The following TMEM131 variants were observed in gnomAD, a reference collection of about 807,000 sequenced individuals.
TMEM131 encodes transmembrane protein 131.
Under a neutral mutation model 211.6 loss-of-function variants are expected in TMEM131, and 66 were observed. That is an observed-to-expected ratio of 0.31 (90% CI 0.26 to 0.38). The LOEUF is 0.38. TMEM131 is among the 10% of genes least tolerant of loss of function. The probability of loss-of-function intolerance (pLI) is 1.00; values close to 1 mark genes in which losing one functional copy is unlikely to be tolerated. For missense variants in TMEM131, 2,036 were observed against 2,299.3 expected, an observed-to-expected ratio of 0.89 and a Z score of 2.34; for synonymous variants, 844 against 841.3, an observed-to-expected ratio of 1.00 and a Z score of -0.06.
chr2:97,818,704 T>C lies in TMEM131; in HGVS notation c.1092A>G (p.Pro364=), dbSNP rs1681965995. ...AGTGTACCGTTATAGCATCATTTTGTGGTGTAGGTCGAACACTCTGCAAAG... is the reference window on the plus strand; with the variant it reads ...AGTGTACCGTTATAGCATCATTTTGCGGTGTAGGTCGAACACTCTGCAAAG... ...DVPITSVRPT[P]QNDAITVHFK... The change falls in exon 12 of 41, where the codon CCA becomes CCG. Residue 364 remains proline (P), a synonymous_variant. Transcript: ENST00000186436. 6.2e-7 allele frequency: 1 copy of C among 1,604,274 alleles called. No individual in the cohort carries two copies. The highest frequency in any genetic ancestry group is 8.5e-7 in the Non-Finnish European group (1 of 1,174,146).
chr2:97,761,869 G>C, intron 36 of TMEM131, 166 bp downstream of exon 36: 1 of 684,924 alleles, frequency 1.5e-6, no homozygotes. Flanking sequence ...CACAGCAGCA[G>C]GAAGCGGGGG....
At position 97,865,892 on chromosome 2, in the gene TMEM131, T is replaced by C. The variant is rs7590922; in HGVS notation, c.360-6465A>G. 2.8e-3 allele frequency among the ~76,000 whole-genome samples: 425 copies of C among 152,208 alleles called. 1 individual carries two copies. The highest frequency in any genetic ancestry group is 9.9e-3 in the African/African-American group (411 of 41,508). On this transcript the variant is annotated intron_variant, in intron 4 of 40. Transcript: ENST00000186436. Reference sequence around the variant, plus strand: ...TGCTTTCTGGCAAGTTTTTGTTTTGTTTTGTTTTGAGATGGAGTCTCGCTC... The same window carrying C: ...TGCTTTCTGGCAAGTTTTTGTTTTGCTTTGTTTTGAGATGGAGTCTCGCTC...
At chr2:97,963,690 G>A (rs1573623215) in intron 1 of TMEM131, among the ~76,000 whole-genome samples, 1 of 152,258 alleles carries the variant, frequency 6.6e-6, no homozygotes, top group East Asian at 1.9e-4. Context: ...ATTCCAGCCT[G>A]GGTGACAAGA....
At chr2:97,811,339 A>G in intron 17 of TMEM131, 107 bp from the exon 18 acceptor site, 1 of 783,528 alleles carries the variant, frequency 1.3e-6, no homozygotes, top group Non-Finnish European at 2.2e-6. Context: ...ATCCTAACAT[A>G]TACCAGTATG....
chr2:97,821,696 C>A (rs1682129231), intron 11 of TMEM131, among the ~76,000 whole-genome samples: 1 of 152,176 alleles, frequency 6.6e-6, no homozygotes, highest in African/African-American at 2.4e-5. Flanking sequence ...ACCACTGGAC[C>A]CCTTTCACTT....
intron 1 of TMEM131, among the ~76,000 whole-genome samples, chr2:97,945,393 T>C (rs1358515624): frequency 1.3e-5 from 2 of 152,180 alleles, no homozygotes; most frequent in Non-Finnish European, 2.9e-5. Flanking sequence ...TGTACAAGTC[T>C]ATGAGTATAC....
chr2:97,927,287 A>G, intron 2 of TMEM131, 139 bp downstream of exon 2: 1 of 541,934 alleles, frequency 1.8e-6, no homozygotes, highest in Non-Finnish European at 3.0e-6. Context: ...TTATATTACT[A>G]AAGACTCTAC....
In TMEM131 at chr2:97,988,672, G is replaced by A. The variant is rs1043420299; in HGVS notation, c.187+6804C>T. Among the ~76,000 whole-genome samples, 13 of 152,208 alleles carry A rather than the reference G, an allele frequency of 8.5e-5. No individual in the cohort carries two copies. In the East Asian group the frequency reaches 9.6e-4, roughly 11 times the overall value. ...ATGCCCAAGAAGGATATGAAAAGAC[G>A]CTCAATATCATTAATCATTAGAAAA... On this transcript the variant is annotated intron_variant, in intron 1 of 40. Coordinates refer to ENST00000186436, the MANE Select transcript of TMEM131 (RefSeq NM_015348.2).
intron 11 of TMEM131, among the ~76,000 whole-genome samples, chr2:97,825,604 C>T (rs1370355754): frequency 6.6e-6 from 1 of 152,206 alleles, no homozygotes; most frequent in Non-Finnish European, 1.5e-5. Flanking sequence ...CCTTCAAAAC[C>T]TTAAAGCAGG....
At chr2:97,827,354 C>T (rs1470850574) in intron 11 of TMEM131, 10 of 836,456 alleles carry the variant, frequency 1.2e-5, no homozygotes, top group Non-Finnish European at 2.1e-5. Flanking sequence ...GAAGCAAAGC[C>T]GAAAAAGGCA....
rs1159259975 is a variant in TMEM131 at position 97,792,823 on chromosome 2, C to T, written c.3707G>A (p.Arg1236Lys). Residue 1236 changes from arginine to lysine, a missense_variant, in exon 31 of 41, where the codon AGA becomes AAA. This residue lies in a region of TMEM131 where 1,623 missense variants were observed against 1,805.9 expected (regional missense o/e 0.90). Transcript: ENST00000186436. Reference sequence around the variant, plus strand: ...AGAGGTACTTGAACTGTTTTTGGCTCTGACGTTTTCCACGTCAGCTGAGTT... The same window carrying T: ...AGAGGTACTTGAACTGTTTTTGGCTTTGACGTTTTCCACGTCAGCTGAGTT... ...NRNSADVENV[R>K]AKNSSSTSSR... is the part of the protein sequence containing the mutation. The T allele has an allele frequency of 1.2e-6, 2 of 1,613,992 alleles. No homozygotes were observed. Among genetic ancestry groups the T allele is most frequent in the Admixed American group, 3.3e-5 (2 of 60,028 alleles).
intron 11 of TMEM131, among the ~76,000 whole-genome samples, chr2:97,826,411 G>A (rs1444966722): frequency 1.3e-5 from 2 of 152,182 alleles, no homozygotes; most frequent in African/African-American, 4.8e-5. Flanking sequence ...ATACCACAAG[G>A]AAATTATGGA....
intron 3 of TMEM131, among the ~76,000 whole-genome samples, chr2:97,901,725 A>G (rs1433632797): frequency 1.3e-5 from 2 of 152,186 alleles, no homozygotes; most frequent in African/African-American, 4.8e-5. Flanking sequence ...AGGGAGCTAA[A>G]AAAGTTTATC....
At chr2:97,772,561 A>G in intron 32 of TMEM131, 137 bp from the exon 33 acceptor site, 1 of 1,066,248 alleles carries the variant, frequency 9.4e-7, no homozygotes, top group Admixed American at 3.1e-5. Context: ...CGTTTCTTCA[A>G]ATCTGTCTTC....
Position 97,911,127 on chromosome 2 carries a change from A to AT in TMEM131, c.250-2430dup, listed in dbSNP as rs1351768300. On this transcript the variant is annotated intron_variant, in intron 2 of 40. Coordinates refer to ENST00000186436, the MANE Select transcript of TMEM131 (RefSeq NM_015348.2). Reference sequence around the variant, plus strand: ...GACTCAGCAATAAAAAGAATAAGCTATTGATATACAAAACAACACAGATTA... The same window carrying AT: ...GACTCAGCAATAAAAAGAATAAGCTATTTGATATACAAAACAACACAGATTA... Among the ~76,000 whole-genome samples the AT allele has an allele frequency of 5.3e-5, 8 of 152,218 alleles. No individual in the cohort carries two copies. In the East Asian group the frequency reaches 1.5e-3, roughly 29 times the overall value.
chr2:97,956,275 G>A (rs1678563497), intron 1 of TMEM131, among the ~76,000 whole-genome samples: 1 of 152,128 alleles, frequency 6.6e-6, no homozygotes, highest in South Asian at 2.1e-4. Flanking sequence ...TTCAATAAAT[G>A]GTGCTAGAGC....
At chr2:97,946,718 C>T (rs573387589) in intron 1 of TMEM131, among the ~76,000 whole-genome samples, 45 of 151,818 alleles carry the variant, frequency 3.0e-4, no homozygotes, top group Non-Finnish European at 4.1e-4. Flanking sequence ...ACTCTCCAAA[C>T]TCATTTTACA....
chr2:97,834,033 C>G (rs1682828135), intron 10 of TMEM131, among the ~76,000 whole-genome samples: 1 of 152,072 alleles, frequency 6.6e-6, no homozygotes, highest in South Asian at 2.1e-4. Context: ...CATAATGAAG[C>G]AAATTAATAA....
rs10194485 is a variant in TMEM131 at position 97,966,295 on chromosome 2, T to A, written c.187+29181A>T. ...ACTCAGACAAAATCTTTCCGGGTGGTTAACAGAGTCTGGAAGGGACAATTT... is the reference window on the plus strand; with the variant it reads ...ACTCAGACAAAATCTTTCCGGGTGGATAACAGAGTCTGGAAGGGACAATTT... On this transcript the variant is annotated intron_variant, in intron 1 of 40. Transcript: ENST00000186436. 7.4e-3 allele frequency among the ~76,000 whole-genome samples: 1,132 copies of A among 152,138 alleles called. 9 individuals carry two copies. The highest frequency in any genetic ancestry group is 0.024 in the African/African-American group (1,007 of 41,502).
Sources: allele counts gnomAD v4.1 joint callset (sites outside exome capture counted in the v4.1 genomes callset), GRCh38; gene constraint gnomAD v4.1.1; regional missense constraint gnomAD v4.1.1; transcripts MANE v1.5; gene names NCBI Gene and HGNC (gene_info 2026-07-23, HGNC 2026-07-21).